The following OSBPL9 variants were observed in gnomAD, a reference collection of about 807,000 sequenced individuals.
OSBPL9 encodes oxysterol binding protein like 9, also known as oxysterol-binding protein-related protein 9.
OSBPL9 carries 40 observed loss-of-function variants against 106.6 expected under a neutral mutation model. The observed-to-expected ratio is 0.38, with a 90% CI of 0.29 to 0.49. OSBPL9 has a LOEUF of 0.49. Among genes scored for constraint, OSBPL9 ranks in the 20% least tolerant of loss-of-function variants. OSBPL9 has a pLI of 0.97. For synonymous variants in OSBPL9, 269 were observed against 295.4 expected, an observed-to-expected ratio of 0.91 and a Z score of 0.92; for missense variants, 609 against 887.2, an observed-to-expected ratio of 0.69 and a Z score of 3.98.
In OSBPL9 at chr1:51,780,002, C is replaced by T. The variant is rs2144178; in HGVS notation, c.1257-1162C>T. On this transcript the variant is annotated intron_variant, in intron 15 of 23. Coordinates refer to ENST00000428468, the MANE Select transcript of OSBPL9 (RefSeq NM_024586.6). ...CTGAGGCAGGAGAATGGCGTGAACC[C>T]GGCAGGTGGAGCTTGCAGTGAGCCA... Among the ~76,000 whole-genome samples, 621 of 151,326 alleles carry T rather than the reference C, an allele frequency of 4.1e-3. 11 individuals are homozygous for T. Among genetic ancestry groups the T allele is most frequent in the Admixed American group, 0.027 (410 of 15,184 alleles).
chr1:51,665,809 C>A (rs903464641), intron 2 of OSBPL9, among the ~76,000 whole-genome samples: 1 of 151,964 alleles, frequency 6.6e-6, no homozygotes, highest in African/African-American at 2.4e-5. Context: ...AAGTACGCAG[C>A]GAGAAATGTT....
chr1:51,772,332 T>TAGA, intron 13 of OSBPL9, 150 bp downstream of exon 13: 7 of 676,902 alleles, frequency 1.0e-5, no homozygotes, highest in Non-Finnish European at 7.6e-6. Flanking sequence ...ACCAACATGG[T>TAGA]GAAACCCCAT....
At chr1:51,620,869 A>G (rs1644383829) in intron 1 of OSBPL9, among the ~76,000 whole-genome samples, 1 of 152,130 alleles carries the variant, frequency 6.6e-6, no homozygotes, top group South Asian at 2.1e-4. Flanking sequence ...TATTTTATTT[A>G]TTCATTTATT....
At chr1:51,685,118 T>C (rs982338437) in intron 3 of OSBPL9, among the ~76,000 whole-genome samples, 5 of 152,178 alleles carry the variant, frequency 3.3e-5, no homozygotes, top group Non-Finnish European at 4.4e-5. Flanking sequence ...CATTTTTTTC[T>C]AAAGAAATAT....
rs547937954 is a variant in OSBPL9, at chr1:51,734,647, A to G, written c.319-10889A>G. 2.6e-5 allele frequency among the ~76,000 whole-genome samples: 4 copies of G among 152,252 alleles called. No homozygotes were observed. The East Asian group carries it at 5.8e-4, about 22-fold the overall frequency. On this transcript the variant is annotated intron_variant, in intron 4 of 23. Transcript: ENST00000428468. The stretch of plus-strand genomic sequence containing the variant: ...ATTTTCAAATTCTAATTCCATTTCT[A>G]CCTTTTTAAAAATTTTTATTATTGT...
At chr1:51,673,070 A>ACATTTATT (rs1650284725) in intron 3 of OSBPL9, among the ~76,000 whole-genome samples, 1 of 152,216 alleles carries the variant, frequency 6.6e-6, no homozygotes, top group South Asian at 2.1e-4. Flanking sequence ...GGGCACTCAA[A>ACATTTATT]CATTTATTGA....
rs11205879 is a variant in OSBPL9 at position 51,681,499 on chromosome 1, G to C, written c.241+11987G>C. 4.6e-3 allele frequency among the ~76,000 whole-genome samples: 691 copies of C among 151,644 alleles called. 7 individuals carry two copies. The highest frequency in any genetic ancestry group is 0.016 in the African/African-American group (653 of 41,368). ...TTTTCAGCATTCTTAATGATTTCTC[G>C]GTTGTATTATGTTTATTAAACTTAT... On this transcript the variant is annotated intron_variant, in intron 3 of 23. Transcript: ENST00000428468.
At chr1:51,664,377 T>C (rs1454937285) in intron 2 of OSBPL9, among the ~76,000 whole-genome samples, 3 of 152,068 alleles carry the variant, frequency 2.0e-5, no homozygotes, top group Non-Finnish European at 4.4e-5. Flanking sequence ...AAATAAGTGG[T>C]GTGAGTCCAT....
intron 1 of OSBPL9, among the ~76,000 whole-genome samples, chr1:51,589,326 C>T (rs1481661614): frequency 2.0e-5 from 3 of 152,194 alleles, no homozygotes; most frequent in South Asian, 2.1e-4. Context: ...TGAGATCAGG[C>T]GATCTGCCTG....
At chr1:51,779,298 GA>G (rs1294165817) in intron 15 of OSBPL9, among the ~76,000 whole-genome samples, 2 of 152,162 alleles carry the variant, frequency 1.3e-5, no homozygotes, top group East Asian at 3.8e-4. Flanking sequence ...CATAAAGTGG[GA>G]AAAGGACACC....
intron 3 of OSBPL9, among the ~76,000 whole-genome samples, chr1:51,682,771 A>G (rs950176741): frequency 6.6e-6 from 1 of 152,096 alleles, no homozygotes; most frequent in Non-Finnish European, 1.5e-5. Flanking sequence ...AAAGAAAAAG[A>G]AAAGAAAATG....
intron 14 of OSBPL9, among the ~76,000 whole-genome samples, chr1:51,774,058 G>A (rs369380380): frequency 2.8e-4 from 43 of 152,062 alleles, no homozygotes; most frequent in African/African-American, 9.2e-4. Flanking sequence ...GCATATGCTC[G>A]TGCCTAAACC....
chr1:51,708,599 G>A (rs751505711), intron 3 of OSBPL9, among the ~76,000 whole-genome samples: 1 of 152,062 alleles, frequency 6.6e-6, no homozygotes, highest in Non-Finnish European at 1.5e-5. Flanking sequence ...TAAAGCCTTT[G>A]TATTTTAATT....
the OSBPL9 span, among the ~76,000 whole-genome samples, chr1:51,543,770 A>C: frequency 6.6e-6 from 1 of 152,198 alleles, no homozygotes; most frequent in Non-Finnish European, 1.5e-5. Flanking sequence ...AAGAAACTGG[A>C]GCCAAGCTTT....
intron 3 of OSBPL9, among the ~76,000 whole-genome samples, chr1:51,685,798 G>A (rs924421029): frequency 3.9e-5 from 6 of 152,134 alleles, no homozygotes; most frequent in Admixed American, 6.6e-5. Context: ...TTTCATTAAT[G>A]TATTCCACAT....
At chr1:51,728,322 G>A (rs1663497975) in intron 4 of OSBPL9, among the ~76,000 whole-genome samples, 1 of 152,218 alleles carries the variant, frequency 6.6e-6, no homozygotes, top group African/African-American at 2.4e-5. Flanking sequence ...AGTAGCCAGA[G>A]TAGATTCAAG....
intron 1 of OSBPL9, among the ~76,000 whole-genome samples, chr1:51,581,327 C>A (rs925203896): frequency 6.6e-6 from 1 of 152,118 alleles, no homozygotes; most frequent in Non-Finnish European, 1.5e-5. Context: ...CATTCTCATC[C>A]CATCATATTA....
chr1:51,668,641 A>G (rs1649103529), intron 2 of OSBPL9, among the ~76,000 whole-genome samples: 1 of 152,210 alleles, frequency 6.6e-6, no homozygotes, highest in African/African-American at 2.4e-5. Context: ...CTCAAAAAAT[A>G]GTAATAAAAA....
intron 2 of OSBPL9, among the ~76,000 whole-genome samples, chr1:51,611,054 G>C (rs1643983724): frequency 6.6e-6 from 1 of 152,208 alleles, no homozygotes; most frequent in Non-Finnish European, 1.5e-5. Flanking sequence ...TGAGATGTGG[G>C]TCTCCAAGGG....
Sources: gnomAD v4.1 joint callset for allele counts (sites outside exome capture counted in the v4.1 genomes callset) on GRCh38, gnomAD v4.1.1 for gene constraint, MANE v1.5 for transcripts, NCBI Gene and HGNC (gene_info 2026-07-23, HGNC 2026-07-21) for gene names.